Variants in FLT1 observed in about 807,000 individuals in gnomAD.
The protein encoded by FLT1 is vascular endothelial growth factor receptor 1.
In FLT1, 49 loss-of-function variants were observed where a neutral mutation model predicts 156.3. That is an observed-to-expected ratio of 0.31 (90% CI 0.25 to 0.40). The LOEUF (loss-of-function observed/expected upper bound fraction) is 0.40, where lower values mean the gene tolerates loss of function less well. FLT1 is among the 10% of genes least tolerant of loss of function. The pLI, the probability that FLT1 is intolerant of heterozygous loss-of-function variation, is 1.00. For missense variants in FLT1, 1,322 were observed against 1,637.2 expected (o/e 0.81, Z 3.32); for synonymous variants, 594 against 583.8 (o/e 1.02, Z -0.25).
At chr13:28,422,125 G>A (rs1206007025) in intron 10 of FLT1, among the ~76,000 whole-genome samples, 1 of 152,200 alleles carries the variant, frequency 6.6e-6, no homozygotes, top group African/African-American at 2.4e-5. Flanking sequence ...ATAAATATTT[G>A]TGTGATGAGC....
chr13:28,409,724 A>G (rs998799349), intron 10 of FLT1, among the ~76,000 whole-genome samples: 3 of 152,208 alleles, frequency 2.0e-5, no homozygotes, highest in African/African-American at 7.2e-5. Context: ...CCCCAACACC[A>G]TAAGTAACAT....
chr13:28,334,865 GGA>G (rs1158953996), intron 17 of FLT1, among the ~76,000 whole-genome samples: 1 of 152,014 alleles, frequency 6.6e-6, no homozygotes, highest in Non-Finnish European at 1.5e-5. Context: ...AATGACCCAG[GGA>G]GTCCTTGCCC....
intron 3 of FLT1, among the ~76,000 whole-genome samples, chr13:28,464,859 C>G (rs1255105425): frequency 6.6e-6 from 1 of 152,126 alleles, no homozygotes; most frequent in Non-Finnish European, 1.5e-5. Context: ...AGATGGTTTT[C>G]TTTTTATTCA....
At chr13:28,304,605 C>T (rs747369942) in intron 29 of FLT1, among the ~76,000 whole-genome samples, 3 of 151,870 alleles carry the variant, frequency 2.0e-5, no homozygotes, top group Non-Finnish European at 4.4e-5. Context: ...TTTGTATAGA[C>T]ACAAATTGTG....
rs867863310 is a variant in FLT1 at position 28,412,377 on chromosome 13, T to C, written c.1437-6483A>G. Among the ~76,000 whole-genome samples, 119 of 120,632 alleles carry C rather than the reference T, an allele frequency of 9.9e-4. 2 individuals are homozygous for C. The Middle Eastern group carries it at 0.022, about 22-fold the overall frequency. The allele number at this position is 120,632 out of a possible 152,430, so 79.1% of individuals were successfully genotyped here. On this transcript the variant is annotated intron_variant, in intron 10 of 29. Coordinates refer to ENST00000282397, the MANE Select transcript of FLT1 (RefSeq NM_002019.4). The stretch of plus-strand genomic sequence containing the variant: ...CTTTCTTTCTTTCTTTCTTTCTTTC[T>C]TTCTTTCTTTCTTTCTTTCTTTCTT...
rs369313355 is a variant in FLT1 at position 28,394,589 on chromosome 13, A to G, written c.1660+2371T>C. ...TAATGCTAGGCATCAGTTAGCTTTC[A>G]TTGGGAACAGTGATTAATAAGGAAG... On this transcript the variant is annotated intron_variant, in intron 12 of 29. Transcript: ENST00000282397. Among the ~76,000 whole-genome samples, 58 of 152,302 alleles carry G rather than the reference A, an allele frequency of 3.8e-4. No individual in the cohort carries two copies. The South Asian group carries it at 0.011, about 29-fold the overall frequency.
intron 1 of FLT1, among the ~76,000 whole-genome samples, chr13:28,481,440 T>TACAC (rs1224417621): frequency 1.7e-5 from 2 of 115,070 alleles, no homozygotes; most frequent in Non-Finnish European, 3.6e-5. Flanking sequence ...CTCCTCCGCT[T>TACAC]ATACACACAC....
chr13:28,433,409 T>G (rs2137550992), intron 6 of FLT1, among the ~76,000 whole-genome samples: 1 of 152,314 alleles, frequency 6.6e-6, no homozygotes, highest in South Asian at 2.1e-4. Flanking sequence ...TGCCAGTATC[T>G]TAAATGAATG....
rs1464146066 is a variant in FLT1, at chr13:28,467,569, C to T, written c.113G>A (p.Gly38Asp). The T allele has an allele frequency of 6.2e-7, 1 of 1,611,060 alleles. No homozygotes were observed. The change falls in exon 2 of 30, where the codon GGC becomes GAC. Residue 38 changes from glycine to aspartate, a missense_variant. This residue lies in a region of FLT1 where 991 missense variants were observed against 1,254.8 expected (regional missense o/e 0.79). Coordinates refer to ENST00000282397, the MANE Select transcript of FLT1 (RefSeq NM_002019.4). Reference sequence around the variant, plus strand: ...GCCTGCTTGCATGATGTGCTGGGTGCCTTTTAAACTCAGTTCAGGATCTTT... The same window carrying T: ...GCCTGCTTGCATGATGTGCTGGGTGTCTTTTAAACTCAGTTCAGGATCTTT... ...KLKDPELSLK[G>D]TQHIMQAGQT...
At chr13:28,407,829 T>C (rs891233523) in intron 10 of FLT1, among the ~76,000 whole-genome samples, 2 of 152,234 alleles carry the variant, frequency 1.3e-5, no homozygotes, top group African/African-American at 4.8e-5. Context: ...TTCTCCTTTA[T>C]TAGAAACATC....
At chr13:28,359,709 A>T (rs1014810762) in intron 14 of FLT1, among the ~76,000 whole-genome samples, 1 of 152,252 alleles carries the variant, frequency 6.6e-6, no homozygotes, top group Non-Finnish European at 1.5e-5. Flanking sequence ...CAATAATCCT[A>T]TTTAAAAATG....
chr13:28,387,706 T>C, intron 13 of FLT1: 1 of 1,058,152 alleles, frequency 9.5e-7, no homozygotes, highest in Non-Finnish European at 1.1e-6. Context: ...TTTTCTCCTT[T>C]TTTTTTTCTC....
At position 28,433,745 on chromosome 13, in the gene FLT1, T is replaced by C. The variant is rs970155783; in HGVS notation, c.813+74A>G. ...AGTCAGGATTTTCTGATTTTTCCCA[T>C]CTCAAAACCCCTGCGGGATTTCACT... On this transcript the variant is annotated intron_variant, in intron 6 of 29. Transcript: ENST00000282397. The C allele has an allele frequency of 3.5e-6, 5 of 1,435,884 alleles. No individual in the cohort carries two copies. The African/African-American group carries it at 7.0e-5, about 20-fold the overall frequency. The allele number at this position is 1,435,884 out of a possible 1,614,324, so 88.9% of individuals were successfully genotyped here.
At chr13:28,332,649 C>G (rs1302042367) in intron 18 of FLT1, among the ~76,000 whole-genome samples, 1 of 152,174 alleles carries the variant, frequency 6.6e-6, no homozygotes, top group African/African-American at 2.4e-5. Context: ...GGAAGACTTT[C>G]GCACACAAAC....
At chr13:28,343,605 G>A (rs937409999) in intron 16 of FLT1, among the ~76,000 whole-genome samples, 25 of 150,728 alleles carry the variant, frequency 1.7e-4, no homozygotes, top group Middle Eastern at 3.5e-3. Context: ...CACCACGCGC[G>A]GCCTGCCACC....
At chr13:28,492,390 G>T (rs1364525951) in intron 1 of FLT1, among the ~76,000 whole-genome samples, 1 of 152,214 alleles carries the variant, frequency 6.6e-6, no homozygotes, top group African/African-American at 2.4e-5. Context: ...GGAGAAAGAG[G>T]ACTGGTATCC....
chr13:28,307,928 C>T (rs527676830), intron 28 of FLT1, among the ~76,000 whole-genome samples: 9 of 152,310 alleles, frequency 5.9e-5, no homozygotes, highest in East Asian at 1.9e-4. Context: ...CCCACCACCA[C>T]GCCCAGCTAA....
intron 18 of FLT1, among the ~76,000 whole-genome samples, chr13:28,330,432 T>C (rs368219969): frequency 1.8e-4 from 28 of 152,076 alleles, no homozygotes; most frequent in East Asian, 1.5e-3. Flanking sequence ...CAAATAATCT[T>C]TCTGTAAAAT....
intron 3 of FLT1, among the ~76,000 whole-genome samples, chr13:28,463,634 C>T (rs34003497): frequency 0.015 from 2,295 of 152,144 alleles, 28 homozygotes; most frequent in African/African-American, 0.025. Context: ...TAATATCTAG[C>T]GAGTAATCAC....
Sources: gnomAD v4.1 joint callset for allele counts (sites outside exome capture counted in the v4.1 genomes callset) on GRCh38, gnomAD v4.1.1 for gene constraint, gnomAD v4.1.1 regional missense constraint, MANE v1.5 for transcripts, NCBI Gene and HGNC (gene_info 2026-07-23, HGNC 2026-07-21) for gene names.